The following SPTLC2 variants were observed in gnomAD, a reference collection of about 807,000 sequenced individuals.
SPTLC2 encodes the protein serine palmitoyltransferase long chain base subunit 2, also known as serine palmitoyltransferase 2.
Under a neutral mutation model 62.0 loss-of-function variants are expected in SPTLC2, and 21 were observed. The ratio of observed to expected loss-of-function variants is 0.34; its 90% CI spans 0.24 to 0.49. The LOEUF is 0.49. Among genes scored for constraint, SPTLC2 ranks in the 20% least tolerant of loss-of-function variants. SPTLC2 has a pLI of 0.99. For missense variants in SPTLC2, 511 were observed against 713.0 expected, an observed-to-expected ratio of 0.72 and a Z score of 3.23; for synonymous variants, 261 against 261.8, an observed-to-expected ratio of 1.00 and a Z score of 0.03.
chr14:77,586,146 A>G (rs1307626481), intron 2 of SPTLC2, among the ~76,000 whole-genome samples: 1 of 148,912 alleles, frequency 6.7e-6, no homozygotes, highest in Non-Finnish European at 1.5e-5. Flanking sequence ...CGCAATCTAG[A>G]CTCACTGCAA....
chr14:77,584,992 T>C (rs1278179697), intron 2 of SPTLC2, among the ~76,000 whole-genome samples: 1 of 152,192 alleles, frequency 6.6e-6, no homozygotes, highest in Admixed American at 6.5e-5. Flanking sequence ...ACCAGCGCGA[T>C]TCTATGTGCC....
At chr14:77,542,263 A>G (rs540228357) in intron 9 of SPTLC2, among the ~76,000 whole-genome samples, 2 of 152,114 alleles carry the variant, frequency 1.3e-5, no homozygotes, top group Non-Finnish European at 2.9e-5. Context: ...TCACAGAAAG[A>G]TAAAGAATCT....
chr14:77,614,489 C>A (rs8021376), intron 1 of SPTLC2, among the ~76,000 whole-genome samples: 56,887 of 151,744 alleles, frequency 0.37, 11,255 homozygotes, highest in East Asian at 0.63. Flanking sequence ...ACAGTGAAAC[C>A]CCGTATCTAC....
chr14:77,516,418 T>C (rs2079360135), intron 11 of SPTLC2, among the ~76,000 whole-genome samples: 1 of 152,202 alleles, frequency 6.6e-6, no homozygotes, highest in Non-Finnish European at 1.5e-5. Context: ...ACACTGGTTA[T>C]AGTTACACAG....
chr14:77,608,647 G>A (rs926717364), intron 1 of SPTLC2, among the ~76,000 whole-genome samples: 3 of 152,046 alleles, frequency 2.0e-5, no homozygotes, highest in African/African-American at 4.8e-5. Flanking sequence ...GAATAAAATC[G>A]TGGAAAAAGA....
intron 2 of SPTLC2, among the ~76,000 whole-genome samples, chr14:77,580,982 G>A (rs2079746902): frequency 6.6e-6 from 1 of 152,224 alleles, no homozygotes; most frequent in Non-Finnish European, 1.5e-5. Context: ...TCAAGTCACA[G>A]CGGAGCAGAA....
chr14:77,536,367 G>T (rs76169291), intron 9 of SPTLC2, among the ~76,000 whole-genome samples: 4,286 of 147,810 alleles, frequency 0.029, 213 homozygotes, highest in African/African-American at 0.1. Flanking sequence ...GTATTTTTTG[G>T]TTTTTTTTTT....
intron 1 of SPTLC2, among the ~76,000 whole-genome samples, chr14:77,610,373 C>G (rs1389455617): frequency 6.6e-6 from 1 of 152,190 alleles, no homozygotes; most frequent in Admixed American, 6.5e-5. Context: ...AACTCCTGAC[C>G]TCAAGTGATC....
chr14:77,592,165 G>A (rs971006527), intron 2 of SPTLC2, among the ~76,000 whole-genome samples: 1 of 147,188 alleles, frequency 6.8e-6, no homozygotes, highest in Non-Finnish European at 1.5e-5. Flanking sequence ...TTTTGAGACA[G>A]TCTCTATTGC....
In SPTLC2 at chr14:77,538,359, T is replaced by C. The variant is rs1359286395; in HGVS notation, c.1303+13737A>G. Among the ~76,000 whole-genome samples the C allele has an allele frequency of 2.6e-5, 4 of 152,216 alleles. No individual in the cohort carries two copies. In the East Asian group the frequency reaches 7.7e-4, roughly 29 times the overall value. On this transcript the variant is annotated intron_variant, in intron 9 of 11. Transcript: ENST00000216484. ...CCATCATAATGGGGATGGGATCCTG[T>C]CTCTACCTGAGCTAATTTTATTCTC...
chr14:77,557,188 T>C (rs1243854114), intron 6 of SPTLC2, 42 bp from the exon 7 acceptor site: 1 of 1,488,340 alleles, frequency 6.7e-7, no homozygotes, highest in African/African-American at 1.4e-5. Flanking sequence ...CATCTTCCTC[T>C]TTCCTAACTT....
intron 1 of SPTLC2, among the ~76,000 whole-genome samples, chr14:77,608,563 A>G (rs1182672924): frequency 6.6e-6 from 1 of 152,216 alleles, no homozygotes; most frequent in Non-Finnish European, 1.5e-5. Flanking sequence ...AGCACTAGAA[A>G]TACACTCCTG....
At position 77,512,258 on chromosome 14, in the gene SPTLC2, T is replaced by C. The variant is rs199708672; in HGVS notation, c.*26A>G. On this transcript the variant is annotated 3_prime_UTR_variant, in exon 12 of 12. Transcript: ENST00000216484. ...ACAGGCTGTCCTGGGTGAGGGAGAG[T>C]TCCTCTGAGGGAGCACCAAAAAGGC... 6.2e-7 allele frequency: 1 copy of C among 1,612,828 alleles called. No homozygotes were observed. The highest frequency in any genetic ancestry group is 1.9e-4 in the Middle Eastern group (1 of 5,272).
At chr14:77,586,749 T>G (rs971130733) in intron 2 of SPTLC2, among the ~76,000 whole-genome samples, 4 of 152,132 alleles carry the variant, frequency 2.6e-5, no homozygotes, top group African/African-American at 9.7e-5. Context: ...GACAAAAGAT[T>G]TGAACAGAGA....
intron 9 of SPTLC2, among the ~76,000 whole-genome samples, chr14:77,538,615 G>A (rs2079483158): frequency 6.6e-6 from 1 of 152,112 alleles, no homozygotes; most frequent in African/African-American, 2.4e-5. Flanking sequence ...CTGTTGCCCA[G>A]GCTGGAGTGC....
At position 77,555,325 on chromosome 14, in the gene SPTLC2, G is replaced by A. The variant is rs1594986869; in HGVS notation, c.1151C>T (p.Ser384Phe). 1.2e-6 allele frequency: 2 copies of A among 1,613,996 alleles called. No homozygotes were observed. The highest frequency in any genetic ancestry group is 1.7e-6 in the Non-Finnish European group (2 of 1,180,012). Residue 384 changes from serine to phenylalanine, a missense_variant, in exon 8 of 12, where the codon TCT (serine) becomes TTT (phenylalanine). Ser to Phe is a radical substitution (Grantham distance 155). Coordinates refer to ENST00000216484, the MANE Select transcript of SPTLC2 (RefSeq NM_004863.4). Reference protein sequence around the residue: ...MGTFTKSFGASGGYIGGKKEL... With the variant: ...MGTFTKSFGAFGGYIGGKKEL... The stretch of plus-strand genomic sequence containing the variant: ...CTTCTTGCCTCCAATATATCCTCCA[G>A]AAGCACCAAAACTCTTTGTGAACGT...
chr14:77,534,842 T>C (rs901459364), intron 9 of SPTLC2, among the ~76,000 whole-genome samples: 3 of 152,160 alleles, frequency 2.0e-5, no homozygotes, highest in Admixed American at 6.5e-5. Context: ...TTATGCAGCT[T>C]ACATTCCAGT....
At chr14:77,572,093 C>T (rs973669184) in intron 4 of SPTLC2, among the ~76,000 whole-genome samples, 5 of 152,186 alleles carry the variant, frequency 3.3e-5, no homozygotes, top group African/African-American at 9.7e-5. Context: ...CAGCCGAGCA[C>T]TTTATAAAAT....
intron 2 of SPTLC2, among the ~76,000 whole-genome samples, chr14:77,580,501 G>C (rs1424547507): frequency 2.1e-5 from 3 of 141,000 alleles, no homozygotes; most frequent in Non-Finnish European, 4.6e-5. Flanking sequence ...AATGGTTATA[G>C]GAAGCCACCC....
Sources: allele counts gnomAD v4.1 joint callset (sites outside exome capture counted in the v4.1 genomes callset), GRCh38; gene constraint gnomAD v4.1.1; transcripts MANE v1.5; gene names NCBI Gene and HGNC (gene_info 2026-07-23, HGNC 2026-07-21).